The following DHRSX variants were observed in gnomAD, a reference collection of about 807,000 sequenced individuals.
DHRSX encodes the protein dehydrogenase/reductase X-linked.
Under a neutral mutation model 34.0 loss-of-function variants are expected in DHRSX, and 31 were observed. The ratio of observed to expected loss-of-function variants is 0.91; its 90% CI spans 0.69 to 1.23. The LOEUF (loss-of-function observed/expected upper bound fraction) is 1.23, where lower values mean the gene tolerates loss of function less well. Among genes scored for constraint, DHRSX ranks in the 50% most tolerant of loss-of-function variants. DHRSX has a pLI of 0.00. For missense variants in DHRSX, 414 were observed against 428.1 expected (o/e 0.97, Z 0.29); for synonymous variants, 201 against 183.8 (o/e 1.09, Z -0.76).
chrX:2,419,406 G>A (rs1184589622), intron 2 of DHRSX, among the ~76,000 whole-genome samples: 3 of 152,142 alleles, frequency 2.0e-5, no homozygotes, highest in Non-Finnish European at 4.4e-5. Context: ...GGAAGTCAGT[G>A]TGGCGATTCC....
chrX:2,313,867 T>TA (rs1356293852), intron 3 of DHRSX, among the ~76,000 whole-genome samples: 1 of 152,098 alleles, frequency 6.6e-6, no homozygotes, highest in East Asian at 1.9e-4. Flanking sequence ...ATTTCAGAAA[T>TA]ACATTGGTTT....
chrX:2,358,216 C>A (rs1184766722), intron 3 of DHRSX, among the ~76,000 whole-genome samples: 1 of 152,146 alleles, frequency 6.6e-6, no homozygotes, highest in African/African-American at 2.4e-5. Flanking sequence ...CGTGAACAGA[C>A]AACCTACAGA....
At chrX:2,424,769 C>T (rs2043821439) in intron 2 of DHRSX, among the ~76,000 whole-genome samples, 2 of 152,104 alleles carry the variant, frequency 1.3e-5, no homozygotes, top group South Asian at 4.1e-4. Flanking sequence ...CTGGATCTGA[C>T]TGAATTTTCT....
chrX:2,448,876 C>G (rs2044177093), intron 1 of DHRSX, among the ~76,000 whole-genome samples: 1 of 152,114 alleles, frequency 6.6e-6, no homozygotes, highest in Admixed American at 6.6e-5. Flanking sequence ...GGAAAGGATT[C>G]CAGTTATGTG....
chrX:2,330,667 AAGG>A (rs1414882548), intron 3 of DHRSX, among the ~76,000 whole-genome samples: 2 of 124,198 alleles, frequency 1.6e-5, no homozygotes, highest in Non-Finnish European at 1.6e-5. Context: ...GAAGGAGAAG[AAGG>A]AGAAGGAGGA....
At chrX:2,314,929 G>T (rs192727217) in intron 3 of DHRSX, among the ~76,000 whole-genome samples, 1 of 152,138 alleles carries the variant, frequency 6.6e-6, no homozygotes, top group Admixed American at 6.6e-5. Context: ...ATGCCAAAGC[G>T]AGGGAATCAC....
intron 3 of DHRSX, among the ~76,000 whole-genome samples, chrX:2,358,596 A>G (rs1284141087): frequency 2.0e-5 from 3 of 152,068 alleles, no homozygotes; most frequent in Non-Finnish European, 4.4e-5. Context: ...TGTGGGAGGC[A>G]TATTACTAAA....
At chrX:2,404,676 T>C (rs1253763671) in intron 3 of DHRSX, among the ~76,000 whole-genome samples, 1 of 152,198 alleles carries the variant, frequency 6.6e-6, no homozygotes, top group Non-Finnish European at 1.5e-5. Flanking sequence ...AATGCATGTG[T>C]CAATTAAACA....
At chrX:2,368,496 T>C (rs191580900) in intron 3 of DHRSX, among the ~76,000 whole-genome samples, 1 of 152,134 alleles carries the variant, frequency 6.6e-6, no homozygotes, top group African/African-American at 2.4e-5. Flanking sequence ...TTCAAACAAT[T>C]GCTAAACAAC....
chrX:2,283,918 TC>T (rs2041767476), intron 4 of DHRSX, among the ~76,000 whole-genome samples: 1 of 34,956 alleles, frequency 2.9e-5, no homozygotes, highest in African/African-American at 8.2e-5. Flanking sequence ...ATTCACTCAT[TC>T]CTTTGAATTC....
chrX:2,396,500 C>T (rs1366833732), intron 3 of DHRSX, among the ~76,000 whole-genome samples: 1 of 150,568 alleles, frequency 6.6e-6, no homozygotes, highest in Non-Finnish European at 1.5e-5. Flanking sequence ...GCCTCAGCCT[C>T]CCGAGGAGCT....
At chrX:2,386,486 T>C (rs1421084105) in intron 3 of DHRSX, among the ~76,000 whole-genome samples, 1 of 152,208 alleles carries the variant, frequency 6.6e-6, no homozygotes, top group African/African-American at 2.4e-5. Flanking sequence ...CCCAAAGTGC[T>C]GGGATTACAG....
intron 2 of DHRSX, among the ~76,000 whole-genome samples, chrX:2,422,429 C>T (rs761231441): frequency 6.6e-5 from 10 of 151,954 alleles, no homozygotes; most frequent in Admixed American, 3.9e-4. Flanking sequence ...TGCCGAGCTA[C>T]TTTTTGTATT....
chrX:2,243,788 GT>G (rs778957532), intron 5 of DHRSX, among the ~76,000 whole-genome samples: 18 of 25,178 alleles, frequency 7.1e-4, no homozygotes, highest in Admixed American at 1.2e-3. Context: ...TATGCTCCCT[GT>G]TTTTTTTTTT....
Position 2,310,526 on chromosome X carries a change from T to TTG in DHRSX, c.287-18924_287-18923insCA, listed in dbSNP as rs200416264. On this transcript the variant is annotated intron_variant, in intron 3 of 6. Coordinates refer to ENST00000334651, the MANE Select transcript of DHRSX (RefSeq NM_145177.3). The stretch of plus-strand genomic sequence containing the variant: ...TGTGAAAGACGCTGCAGCGAGATTA[T>TTG]TCTGTGTGTGTGTGTATATGTGTGT... Among the ~76,000 whole-genome samples, 858 of 126,258 alleles carry TTG rather than the reference T, an allele frequency of 6.8e-3. 30 individuals are homozygous for TTG. The highest frequency in any genetic ancestry group is 0.06 in the Admixed American group (782 of 13,070). 82.8% of individuals were successfully genotyped at this position (126,258 alleles called of 152,430 possible). A position where few individuals can be genotyped will look rare whatever the true frequency, so the allele number is the denominator to read the frequency against.
intron 1 of DHRSX, among the ~76,000 whole-genome samples, chrX:2,467,163 T>C (rs759530856): frequency 6.6e-6 from 1 of 152,122 alleles, no homozygotes; most frequent in South Asian, 2.1e-4. Context: ...GGGTAGTGTC[T>C]TAGGAAATCA....
intron 1 of DHRSX, chrX:2,489,989 G>A (rs753593988): frequency 5.6e-6 from 9 of 1,613,752 alleles, no homozygotes; most frequent in Middle Eastern, 1.6e-4. Flanking sequence ...GATGGTCTCC[G>A]CCGTGTTCTC....
chrX:2,404,773 T>G (rs978502235), intron 3 of DHRSX, among the ~76,000 whole-genome samples: 1 of 151,422 alleles, frequency 6.6e-6, no homozygotes, highest in Non-Finnish European at 1.5e-5. Flanking sequence ...ATAACCAAAC[T>G]CTTTGTTCAA....
At chrX:2,396,030 G>C (rs2043405197) in intron 3 of DHRSX, among the ~76,000 whole-genome samples, 1 of 152,028 alleles carries the variant, frequency 6.6e-6, no homozygotes, top group Non-Finnish European at 1.5e-5. Context: ...CTCCCTCCGG[G>C]GGCTCTCAGG....
Sources: allele counts gnomAD v4.1 joint callset (sites outside exome capture counted in the v4.1 genomes callset), GRCh38; gene constraint gnomAD v4.1.1; transcripts MANE v1.5; gene names NCBI Gene and HGNC (gene_info 2026-07-23, HGNC 2026-07-21).